Variants in KIAA2013 observed in about 807,000 individuals in gnomAD.
KIAA2013 encodes the protein KIAA2013, also known as uncharacterized protein KIAA2013.
KIAA2013 carries 20 observed loss-of-function variants against 39.9 expected under a neutral mutation model. That is an observed-to-expected ratio of 0.50 (90% CI 0.35 to 0.73). The LOEUF (loss-of-function observed/expected upper bound fraction) is 0.73, where lower values mean the gene tolerates loss of function less well. Ranked by LOEUF, KIAA2013 falls within the 30% of genes least tolerant of loss-of-function variation. KIAA2013 has a pLI of 0.01. For missense variants in KIAA2013, 587 were observed against 856.1 expected (o/e 0.69, Z 3.92); for synonymous variants, 336 against 416.6 (o/e 0.81, Z 2.35).
intron 2 of KIAA2013, among the ~76,000 whole-genome samples, chr1:11,921,611 A>T (rs1031066684): frequency 6.6e-6 from 1 of 151,682 alleles, no homozygotes. Flanking sequence ...GTGCACTGGC[A>T]TGATCTCGGG....
In KIAA2013 at chr1:11,925,572, C is replaced by T; in HGVS notation, c.666G>A (p.Gly222=). ...CCTTGGGGGCTGGGCCGGCAGTGGGCCCCACAGTCTGCAGCGCGGCCACGC... is the reference window on the plus strand; with the variant it reads ...CCTTGGGGGCTGGGCCGGCAGTGGGTCCCACAGTCTGCAGCGCGGCCACGC... ...TERVAALQTV[G]PTAGPAPKAF... The change falls in exon 1 of 3, where the codon GGG becomes GGA. Residue 222 remains glycine (G), a synonymous_variant. Coordinates refer to ENST00000376572, the MANE Select transcript of KIAA2013 (RefSeq NM_138346.3). This position sits in a 1 kb window ranked among gnomAD's most constrained non-coding sequence, Gnocchi z 5.2. 1 of 1,608,516 alleles carries T rather than the reference C, an allele frequency of 6.2e-7. No homozygotes were observed. The highest frequency in any genetic ancestry group is 2.2e-5 in the East Asian group (1 of 44,762).
Position 11,924,679 on chromosome 1 carries a change from GAGA to G in KIAA2013, c.1033+523_1033+525del, listed in dbSNP as rs377042781. ...GATTTTCTTTTCTTTAACAGTCAAC[GAGA>G]GGAGAGTTTTCATCGGGCGGGAGCA... On this transcript the variant is annotated intron_variant, in intron 1 of 2. Coordinates refer to ENST00000376572, the MANE Select transcript of KIAA2013 (RefSeq NM_138346.3). Among the ~76,000 whole-genome samples, 250 of 152,256 alleles carry G rather than the reference GAGA, an allele frequency of 1.6e-3. 1 individual carries two copies. Among genetic ancestry groups the G allele is most frequent in the Middle Eastern group, 0.01 (3 of 294 alleles).
At chr1:11,920,727 T>C (rs1645468823) in intron 2 of KIAA2013, among the ~76,000 whole-genome samples, 1 of 152,246 alleles carries the variant, frequency 6.6e-6, no homozygotes, top group Non-Finnish European at 1.5e-5. Context: ...GTGCAGCTAG[T>C]TCAGAGGCGG....
chr1:11,920,886 A>G (rs931393243), intron 2 of KIAA2013, among the ~76,000 whole-genome samples: 3 of 152,212 alleles, frequency 2.0e-5, no homozygotes, highest in African/African-American at 4.8e-5. Flanking sequence ...GCCAGAAACT[A>G]GAAGCCGCAG....
rs1241303809 is a variant in KIAA2013 at position 11,925,982 on chromosome 1, C to T, written c.256G>A (p.Gly86Ser). Reference protein sequence around the residue: ...LRERGEVVPLGPGVPALVANG... With the variant: ...LRERGEVVPLSPGVPALVANG... ...GCCACCAGGGCCGGCACTCCAGGAC[C>T]CAGCGGTACCACCTCACCGCGCTCC... Residue 86 changes from glycine (G) to serine (S), a missense_variant, in exon 1 of 3, where the codon GGT (glycine) becomes AGT (serine). By Grantham distance (56) the Gly-to-Ser change is moderately conservative. Coordinates refer to ENST00000376572, the MANE Select transcript of KIAA2013 (RefSeq NM_138346.3). This position sits in a 1 kb window ranked among gnomAD's most constrained non-coding sequence, Gnocchi z 5.2. 1 of 1,531,754 alleles carries T rather than the reference C, an allele frequency of 6.5e-7. No individual in the cohort carries two copies. The highest frequency in any genetic ancestry group is 8.7e-7 in the Non-Finnish European group (1 of 1,146,930). 94.9% of individuals were successfully genotyped at this position (1,531,754 alleles called of 1,614,324 possible).
chr1:11,921,788 G>A (rs1425435782), intron 2 of KIAA2013, among the ~76,000 whole-genome samples: 2 of 152,006 alleles, frequency 1.3e-5, no homozygotes, highest in Non-Finnish European at 2.9e-5. Context: ...GACCTCAGGT[G>A]ATCTGCCCGC....
chr1:11,922,422 A>C (rs1645479714), intron 2 of KIAA2013: 1 of 1,449,626 alleles, frequency 6.9e-7, no homozygotes, highest in South Asian at 1.5e-5. Flanking sequence ...GAAAGCCAGA[A>C]GACCATCAAT....
In KIAA2013 at chr1:11,923,658, C is replaced by T. The variant is rs892071325; in HGVS notation, c.1034-169G>A. Among the ~76,000 whole-genome samples the T allele has an allele frequency of 5.3e-5, 8 of 152,144 alleles. No individual in the cohort carries two copies. The highest frequency in any genetic ancestry group is 1.9e-4 in the African/African-American group (8 of 41,420). On this transcript the variant is annotated intron_variant, in intron 1 of 2. Coordinates refer to ENST00000376572, the MANE Select transcript of KIAA2013 (RefSeq NM_138346.3). This position sits in a 1 kb window ranked among gnomAD's most constrained non-coding sequence, Gnocchi z 4.6. Reference sequence around the variant, plus strand: ...AGAAAGTCAGCCTGTCTTGTTTACACGACCAACTTGAGCCTGTGGGCCTGA... The same window carrying T: ...AGAAAGTCAGCCTGTCTTGTTTACATGACCAACTTGAGCCTGTGGGCCTGA...
At chr1:11,920,755 T>C (rs1367483331) in intron 2 of KIAA2013, among the ~76,000 whole-genome samples, 1 of 152,262 alleles carries the variant, frequency 6.6e-6, no homozygotes, top group East Asian at 1.9e-4. Context: ...GGAAGGCCTC[T>C]GTGCAGTCCT....
rs771545643 is a variant in KIAA2013 at position 11,923,786 on chromosome 1, G to A, written c.1034-297C>T. Among the ~76,000 whole-genome samples the A allele has an allele frequency of 2.0e-5, 3 of 152,172 alleles. No individual in the cohort carries two copies. Among genetic ancestry groups the A allele is most frequent in the Non-Finnish European group, 4.4e-5 (3 of 68,040 alleles). On this transcript the variant is annotated intron_variant, in intron 1 of 2. Coordinates refer to ENST00000376572, the MANE Select transcript of KIAA2013 (RefSeq NM_138346.3). This position sits in a 1 kb window ranked among gnomAD's most constrained non-coding sequence, Gnocchi z 4.6. Reference sequence around the variant, plus strand: ...CCAACCCTATGGTCAGACATCCTGCGCCAGATCAGTCACCAGTGCTGAGGC... The same window carrying A: ...CCAACCCTATGGTCAGACATCCTGCACCAGATCAGTCACCAGTGCTGAGGC...
At position 11,920,166 on chromosome 1, in the gene KIAA2013, T is replaced by A. The variant is rs921143024; in HGVS notation, c.*149A>T. On this transcript the variant is annotated 3_prime_UTR_variant, in exon 3 of 3. Transcript: ENST00000376572. The stretch of plus-strand genomic sequence containing the variant: ...TCATTCCTTCCAATGCAAACTCTGG[T>A]GTATCCACACTCACTTCTGCGTCAC... 1 of 822,272 alleles carries A rather than the reference T, an allele frequency of 1.2e-6. No homozygotes were observed. The highest frequency in any genetic ancestry group is 2.1e-6 in the Non-Finnish European group (1 of 473,478). The allele number at this position is 822,272 out of a possible 1,614,324, so 50.9% of individuals were successfully genotyped here.
In KIAA2013 at chr1:11,919,879, T is replaced by C. The variant is rs1645464972; in HGVS notation, c.*436A>G. On this transcript the variant is annotated 3_prime_UTR_variant, in exon 3 of 3. Coordinates refer to ENST00000376572, the MANE Select transcript of KIAA2013 (RefSeq NM_138346.3). ...GACATCACCGCCAACACTCACCATCTACAGGGGATGCAAAAGCCATCTAGC... is the reference window on the plus strand; with the variant it reads ...GACATCACCGCCAACACTCACCATCCACAGGGGATGCAAAAGCCATCTAGC... 4.2e-6 allele frequency: 1 copy of C among 238,664 alleles called. No individual in the cohort carries two copies. Among genetic ancestry groups the C allele is most frequent in the Non-Finnish European group, 8.3e-6 (1 of 120,432 alleles). 14.8% of individuals were successfully genotyped at this position (238,664 alleles called of 1,614,324 possible).
chr1:11,921,278 G>A (rs1237013135), intron 2 of KIAA2013, among the ~76,000 whole-genome samples: 11 of 152,292 alleles, frequency 7.2e-5, no homozygotes, highest in Middle Eastern at 3.4e-3. Context: ...ATGCTGCCCC[G>A]ATGACAGTCT....
rs141639639 is a variant in KIAA2013, at chr1:11,923,159, A to G, written c.1364T>C (p.Val455Ala). 19 of 1,613,254 alleles carry G rather than the reference A, an allele frequency of 1.2e-5. No homozygotes were observed. In the African/African-American group the frequency reaches 2.1e-4, roughly 18 times the overall value. ...GAACTGCAGCCCCCCAAAGCTGAGC[A>G]CCATCCCCTGCAGGATGCCTGGGGC... is the stretch of plus-strand genomic sequence containing the variant. ...VGAPGILQGM[V>A]LSFGGLQFTE... Residue 455 changes from valine (V) to alanine (A), a missense_variant, in exon 2 of 3, where the codon GTG becomes GCG. Coordinates refer to ENST00000376572, the MANE Select transcript of KIAA2013 (RefSeq NM_138346.3). This position sits in a 1 kb window ranked among gnomAD's most constrained non-coding sequence, Gnocchi z 4.6.
Position 11,923,283 on chromosome 1 carries a change from G to A in KIAA2013, c.1240C>T (p.Pro414Ser). The A allele has an allele frequency of 6.2e-7, 1 of 1,613,414 alleles. No homozygotes were observed. The highest frequency in any genetic ancestry group is 8.5e-7 in the Non-Finnish European group (1 of 1,179,586). ...HATMHAENLW[P>S]GRLSSVQQIL... ...TGCTGGACGGAGGACAGCCGCCCCG[G>A]CCACAGGTTCTCGGCGTGCATGGTG... The change falls in exon 2 of 3, where the codon CCG (proline) becomes TCG (serine). Residue 414 changes from proline (P) to serine (S), a missense_variant. Coordinates refer to ENST00000376572, the MANE Select transcript of KIAA2013 (RefSeq NM_138346.3). The surrounding 1 kb of genome is among the most constrained non-coding windows in gnomAD (Gnocchi z 4.6).
intron 2 of KIAA2013, among the ~76,000 whole-genome samples, chr1:11,921,447 T>TG (rs558572777): frequency 5.9e-5 from 9 of 152,266 alleles, no homozygotes; most frequent in East Asian, 1.9e-4. Context: ...AACAGGCACA[T>TG]GGGGGGAAGC....
rs770653017 is a variant in KIAA2013 at position 11,925,533 on chromosome 1, G to A, written c.705C>T (p.Thr235=). ...ACTGATGGTCTCCGACCTTCTCCAGGGTACTGGTGAAGGCCTTGGGGGCTG... is the reference window on the plus strand; with the variant it reads ...ACTGATGGTCTCCGACCTTCTCCAGAGTACTGGTGAAGGCCTTGGGGGCTG... ...AGPAPKAFTS[T]LEKVGDHQFL... is the part of the protein sequence containing the mutation. The change falls in exon 1 of 3, where the codon ACC becomes ACT. Residue 235 remains threonine (T), a synonymous_variant. Transcript: ENST00000376572. The surrounding 1 kb of genome is among the most constrained non-coding windows in gnomAD (Gnocchi z 5.2). 3 of 1,602,794 alleles carry A rather than the reference G, an allele frequency of 1.9e-6. No individual in the cohort carries two copies. Among genetic ancestry groups the A allele is most frequent in the Non-Finnish European group, 2.6e-6 (3 of 1,174,892 alleles).
In KIAA2013 at chr1:11,925,796, G is replaced by T. The variant is rs1418491984; in HGVS notation, c.442C>A (p.Leu148Ile). The T allele has an allele frequency of 3.9e-6, 6 of 1,543,676 alleles. No homozygotes were observed. In the African/African-American group the frequency reaches 8.3e-5, roughly 21 times the overall value. Reference protein sequence around the residue: ...GEAVLLLREGLLRRVRCLQLG... With the variant: ...GEAVLLLREGILRRVRCLQLG... ...TGCAGGCAACGCACGCGGCGCAGAA[G>T]CCCCTCCCGCAGCAGCAGCACCGCC... Residue 148 changes from leucine to isoleucine, a missense_variant, in exon 1 of 3, where the codon CTT (leucine) becomes ATT (isoleucine). Physicochemically the swap from Leu to Ile is conservative, Grantham distance 5. Transcript: ENST00000376572. This position sits in a 1 kb window ranked among gnomAD's most constrained non-coding sequence, Gnocchi z 5.2.
In KIAA2013 at chr1:11,922,712, A is replaced by C; in HGVS notation, c.1811T>G (p.Leu604Arg). 1 of 1,613,814 alleles carries C rather than the reference A, an allele frequency of 6.2e-7. No individual in the cohort carries two copies. Among genetic ancestry groups the C allele is most frequent in the South Asian group, 1.1e-5 (1 of 90,986 alleles). Reference protein sequence around the residue: ...FWFSVASLITLFHLFLFKLIY... With the variant: ...FWFSVASLITRFHLFLFKLIY... ...GAGCTTGAAGAGGAAGAGGTGGAAG[A>C]GGGTGATTAGGGAGGCCACGCTGAA... The change falls in exon 2 of 3, where the codon CTC becomes CGC. Residue 604 changes from leucine to arginine, a missense_variant. Coordinates refer to ENST00000376572, the MANE Select transcript of KIAA2013 (RefSeq NM_138346.3).
Sources: gnomAD v4.1 joint callset for allele counts (sites outside exome capture counted in the v4.1 genomes callset) on GRCh38, gnomAD v4.1.1 for gene constraint, Gnocchi (gnomAD v3.1) non-coding constraint, MANE v1.5 for transcripts, NCBI Gene and HGNC (gene_info 2026-07-23, HGNC 2026-07-21) for gene names.